The following LLGL2 variants were observed in gnomAD, a reference collection of about 807,000 sequenced individuals.
LLGL2 encodes the protein LLGL scribble cell polarity complex component 2, also known as LLGL2, scribble cell polarity complex component.
Under a neutral mutation model 123.2 loss-of-function variants are expected in LLGL2, and 81 were observed. That is an observed-to-expected ratio of 0.66 (90% CI 0.55 to 0.79). The LOEUF is 0.79. Ranked by LOEUF, LLGL2 falls within the 30% of genes least tolerant of loss-of-function variation. The pLI, the probability that LLGL2 is intolerant of heterozygous loss-of-function variation, is 0.00. For synonymous variants in LLGL2, 577 were observed against 594.1 expected (o/e 0.97, Z 0.42); for missense variants, 1,273 against 1,414.6 (o/e 0.90, Z 1.61).
rs1447999961 is a variant in LLGL2, at chr17:75,564,168, C to T, written c.882-185C>T. On this transcript the variant is annotated intron_variant, in intron 9 of 25. Coordinates refer to ENST00000392550, the MANE Select transcript of LLGL2 (RefSeq NM_001031803.2). This position sits in a 1 kb window ranked among gnomAD's most constrained non-coding sequence, Gnocchi z 4.9. ...CAGGAGTGGCTGCTGAGACTCAGAG[C>T]CCCCAGCCTGGATGCCCTCACCTTA... Among the ~76,000 whole-genome samples, 2 of 152,208 alleles carry T rather than the reference C, an allele frequency of 1.3e-5. No individual in the cohort carries two copies. Among genetic ancestry groups the T allele is most frequent in the Non-Finnish European group, 2.9e-5 (2 of 68,036 alleles).
At chr17:75,555,958 C>A in intron 2 of LLGL2, 88 bp from the exon 3 acceptor site, 1 of 1,001,618 alleles carries the variant, frequency 1.0e-6, no homozygotes, top group Non-Finnish European at 1.5e-6. Flanking sequence ...CTGCTTCCTG[C>A]TGGGTCGTCT....
At position 75,543,491 on chromosome 17, in the gene LLGL2, A is replaced by G; in HGVS notation, c.65A>G (p.Gln22Arg). The G allele has an allele frequency of 6.2e-7, 1 of 1,611,320 alleles. No individual in the cohort carries two copies. The highest frequency in any genetic ancestry group is 8.5e-7 in the Non-Finnish European group (1 of 1,178,420). Residue 22 changes from glutamine to arginine, a missense_variant, in exon 2 of 26, where the codon CAG becomes CGG. Gln to Arg is a conservative substitution (Grantham distance 43). Coordinates refer to ENST00000392550, the MANE Select transcript of LLGL2 (RefSeq NM_001031803.2). ...GAGAGGCTCAAGCGGGACCTGTTCC[A>G]GTTTAACAAGGTAAGTTAGGGAGAG... The part of the protein sequence containing the change: ...VRERLKRDLF[Q>R]FNKTVEHGFP...
chr17:75,533,928 C>G (rs1195398676), intron 1 of LLGL2, among the ~76,000 whole-genome samples: 1 of 152,212 alleles, frequency 6.6e-6, no homozygotes, highest in Admixed American at 6.5e-5. Flanking sequence ...ATTCCAGTCC[C>G]TCCCATGAGG....
At chr17:75,530,380 G>A (rs1568013975) in intron 1 of LLGL2, among the ~76,000 whole-genome samples, 1 of 152,030 alleles carries the variant, frequency 6.6e-6, no homozygotes, top group Non-Finnish European at 1.5e-5. Flanking sequence ...GCCAGGCGCG[G>A]TGTCTCACGC....
At chr17:75,574,303 G>GGGGGGGGGT in intron 23 of LLGL2, 43 bp downstream of exon 23, 1 of 513,414 alleles carries the variant, frequency 1.9e-6, no homozygotes, top group Non-Finnish European at 3.5e-6. Flanking sequence ...GAGGGGTGGG[G>GGGGGGGGGT]AAGGGGGGTC....
chr17:75,559,251 G>T lies in LLGL2; in HGVS notation c.372-1G>T. 6.3e-7 allele frequency: 1 copy of T among 1,598,882 alleles called. No individual in the cohort carries two copies. Reference sequence around the variant, plus strand: ...CTCACGGGCAGCTGTTCTTGTCACAGGGCTGCCCCCAGTGCCACACAGATC... The same window carrying T: ...CTCACGGGCAGCTGTTCTTGTCACATGGCTGCCCCCAGTGCCACACAGATC... On this transcript the variant is annotated splice_acceptor_variant, in intron 5 of 25. Transcript: ENST00000392550. LOFTEE classifies it high-confidence loss of function. The surrounding 1 kb of genome is among the most constrained non-coding windows in gnomAD (Gnocchi z 4.6).
At position 75,573,117 on chromosome 17, in the gene LLGL2, G is replaced by C; in HGVS notation, c.2564G>C (p.Arg855Pro). ...AGCGTGGCCCACTTCGGCAGTCGTC[G>C]AGCCGAGGACTACGGGGAGCACCAC... ...RVSVAHFGSR[R>P]AEDYGEHHLA... The change falls in exon 20 of 26, where the codon CGA becomes CCA. Residue 855 changes from arginine to proline, a missense_variant. Coordinates refer to ENST00000392550, the MANE Select transcript of LLGL2 (RefSeq NM_001031803.2). 1 of 1,612,984 alleles carries C rather than the reference G, an allele frequency of 6.2e-7. No homozygotes were observed. The highest frequency in any genetic ancestry group is 8.5e-7 in the Non-Finnish European group (1 of 1,179,970).
intron 1 of LLGL2, among the ~76,000 whole-genome samples, chr17:75,538,057 C>T (rs189330771): frequency 1.7e-3 from 265 of 152,290 alleles, no homozygotes; most frequent in African/African-American, 4.5e-3. Flanking sequence ...GTGATCAGCC[C>T]GCCTTGGCCT....
At chr17:75,528,597 C>T (rs2053660289) in intron 1 of LLGL2, among the ~76,000 whole-genome samples, 2 of 152,044 alleles carry the variant, frequency 1.3e-5, no homozygotes, top group African/African-American at 2.4e-5. Flanking sequence ...AATCAGCTGG[C>T]CATGGTGGCA....
chr17:75,557,568 G>C (rs2054972479), intron 3 of LLGL2, among the ~76,000 whole-genome samples: 1 of 152,226 alleles, frequency 6.6e-6, no homozygotes, highest in South Asian at 2.1e-4. Context: ...TAGCTTGGCT[G>C]CCACCTCCAG....
intron 1 of LLGL2, among the ~76,000 whole-genome samples, chr17:75,533,976 G>A (rs1009717852): frequency 3.0e-4 from 46 of 152,234 alleles, no homozygotes; most frequent in African/African-American, 1.1e-3. Context: ...ACCTCCTGGA[G>A]CTGACATCTG....
In LLGL2 at chr17:75,568,686, C is replaced by G. The variant is rs769435036; in HGVS notation, c.1247C>G (p.Ser416Cys). 2 of 1,613,770 alleles carry G rather than the reference C, an allele frequency of 1.2e-6. No homozygotes were observed. Among genetic ancestry groups the G allele is most frequent in the South Asian group, 2.2e-5 (2 of 91,094 alleles). ...AAGSRQNAHF[S>C]TMEWPIDGGT... is the part of the protein sequence containing the mutation. ...GGCAGCCGGCAGAACGCACACTTCT[C>G]CACCATGGTAGGTCTGGCCCTGGCC... is the stretch of plus-strand genomic sequence containing the variant. Residue 416 changes from serine to cysteine, a missense_variant, in exon 11 of 26, where the codon TCC (serine) becomes TGC (cysteine). Physicochemically the swap from Ser to Cys is moderately radical, Grantham distance 112. Coordinates refer to ENST00000392550, the MANE Select transcript of LLGL2 (RefSeq NM_001031803.2).
rs532384954 is a variant in LLGL2 at position 75,559,730 on chromosome 17, G to A, written c.530+320G>A. 1.9e-4 allele frequency among the ~76,000 whole-genome samples: 29 copies of A among 152,324 alleles called. No homozygotes were observed. The highest frequency in any genetic ancestry group is 4.1e-4 in the South Asian group (2 of 4,830). On this transcript the variant is annotated intron_variant, in intron 6 of 25. Transcript: ENST00000392550. The surrounding 1 kb of genome is among the most constrained non-coding windows in gnomAD (Gnocchi z 4.6). ...TTCAGAACCCCAGGGGCTCCGCAGCGGGGAAGTCGGGCCCAGACCTCCCTG... is the reference window on the plus strand; with the variant it reads ...TTCAGAACCCCAGGGGCTCCGCAGCAGGGAAGTCGGGCCCAGACCTCCCTG...
At chr17:75,574,418 G>C (rs1235570887) in intron 23 of LLGL2, 35 bp from the exon 24 acceptor site, 5 of 1,547,666 alleles carry the variant, frequency 3.2e-6, no homozygotes, top group Non-Finnish European at 4.4e-6. Context: ...CGCCCCAAGG[G>C]CCTCAGTGGG....
rs750048313 is a variant in LLGL2 at position 75,558,179 on chromosome 17, C to T, written c.198C>T (p.Phe66=). The T allele has an allele frequency of 1.2e-6, 2 of 1,613,854 alleles. No individual in the cohort carries two copies. Among genetic ancestry groups the T allele is most frequent in the Admixed American group, 1.7e-5 (1 of 60,030 alleles). Residue 66 remains phenylalanine (F), a synonymous_variant, in exon 4 of 26, where the codon TTC becomes TTT. Transcript: ENST00000392550. This position sits in a 1 kb window ranked among gnomAD's most constrained non-coding sequence, Gnocchi z 4.0. ...GCTACGGAGCCCCAGGCGTGGAGTT[C>T]ATGGGGCTGCACCAGGAGAACAACG... The part of the protein sequence containing the change: ...IKLYGAPGVE[F]MGLHQENNAV...
At chr17:75,536,777 C>A (rs1216749491) in intron 1 of LLGL2, among the ~76,000 whole-genome samples, 1 of 152,184 alleles carries the variant, frequency 6.6e-6, no homozygotes, top group Non-Finnish European at 1.5e-5. Context: ...CTCTTGGATT[C>A]TTTGTACATA....
Position 75,570,081 on chromosome 17 carries a change from G to C in LLGL2, c.1700G>C (p.Arg567Pro), listed in dbSNP as rs988742283. Residue 567 changes from arginine to proline, a missense_variant, in exon 15 of 26, where the codon CGC becomes CCC. Transcript: ENST00000392550. ...RWKGHERLAA[R>P]SGPVRFEPGF... Reference sequence around the variant, plus strand: ...AAGGGGCACGAGCGCCTGGCAGCCCGCTCAGGGCCCGTGCGCTTTGAGCCT... The same window carrying C: ...AAGGGGCACGAGCGCCTGGCAGCCCCCTCAGGGCCCGTGCGCTTTGAGCCT... 6.2e-7 allele frequency: 1 copy of C among 1,611,498 alleles called. No homozygotes were observed. Among genetic ancestry groups the C allele is most frequent in the African/African-American group, 1.3e-5 (1 of 74,910 alleles).
rs866547446 is a variant in LLGL2 at position 75,568,892 on chromosome 17, G to A, written c.1322+53G>A. ...CTTCCCAGTAGGATATGTGGGGTGG[G>A]AGCAGAGCCCTGAGGTGGACGAGCC... On this transcript the variant is annotated intron_variant, in intron 12 of 25. Coordinates refer to ENST00000392550, the MANE Select transcript of LLGL2 (RefSeq NM_001031803.2). 1.3e-5 allele frequency: 20 copies of A among 1,566,430 alleles called. No individual in the cohort carries two copies. The African/African-American group carries it at 2.6e-4, about 20-fold the overall frequency.
chr17:75,560,007 G>A (rs372111222), intron 6 of LLGL2, among the ~76,000 whole-genome samples: 11 of 152,214 alleles, frequency 7.2e-5, no homozygotes, highest in Admixed American at 6.5e-5. Flanking sequence ...TGTTGGGGCC[G>A]GGTCGGTCAT....
Sources: allele counts gnomAD v4.1 joint callset (sites outside exome capture counted in the v4.1 genomes callset), GRCh38; gene constraint gnomAD v4.1.1; non-coding constraint Gnocchi (gnomAD v3.1); transcripts MANE v1.5; gene names NCBI Gene and HGNC (gene_info 2026-07-23, HGNC 2026-07-21).